GRID2: variants seen among roughly 807,000 people sequenced by gnomAD.
GRID2 encodes glutamate receptor ionotropic, delta-2.
A neutral mutation model predicts 114.8 loss-of-function variants in GRID2; 33 were observed. That is an observed-to-expected ratio of 0.29 (90% confidence interval 0.22 to 0.38). The LOEUF (loss-of-function observed/expected upper bound fraction) is 0.38. GRID2 is among the 10% of genes least tolerant of loss of function. The pLI is 1.00. For synonymous variants in GRID2, 505 were observed against 449.9 expected (o/e 1.12, Z -1.55); for missense variants, 1,184 against 1,257.7 (o/e 0.94, Z 0.89).
At chr4:92,743,550 T>C (rs1017608408) in intron 2 of GRID2, among the ~76,000 whole-genome samples, 1 of 152,186 alleles carries the variant, frequency 6.6e-6, no homozygotes, top group Admixed American at 6.5e-5. Flanking sequence ...TTTATTTATA[T>C]TTATTTTTAT....
chr4:92,634,871 G>A (rs991496525), intron 2 of GRID2, among the ~76,000 whole-genome samples: 4 of 133,150 alleles, frequency 3.0e-5, no homozygotes, highest in African/African-American at 8.4e-5. Context: ...GAGAGAGAGA[G>A]AGAGAGAAAG....
At chr4:93,550,216 GGACTATA>G (rs1733631509) in intron 13 of GRID2, among the ~76,000 whole-genome samples, 1 of 151,990 alleles carries the variant, frequency 6.6e-6, no homozygotes, top group Non-Finnish European at 1.5e-5. Context: ...CAAGTAGCTG[GGACTATA>G]GATGCCAGCC....
chr4:93,006,063 G>A (rs190281843), intron 2 of GRID2, among the ~76,000 whole-genome samples: 27 of 152,004 alleles, frequency 1.8e-4, no homozygotes, highest in Middle Eastern at 3.4e-3. Flanking sequence ...TTAAAGTAGC[G>A]TCTTAAAATA....
chr4:92,592,637 A>G (rs1285810881), intron 2 of GRID2, among the ~76,000 whole-genome samples: 1 of 152,114 alleles, frequency 6.6e-6, no homozygotes, highest in Non-Finnish European at 1.5e-5. Context: ...GAAAAATGAA[A>G]GAGCTGGACA....
intron 2 of GRID2, among the ~76,000 whole-genome samples, chr4:92,976,927 A>G (rs566968626): frequency 6.6e-6 from 1 of 152,306 alleles, no homozygotes; most frequent in South Asian, 2.1e-4. Flanking sequence ...CACTTACTTT[A>G]CTCATGAAGA....
chr4:93,308,757 A>T (rs1755704096), intron 8 of GRID2, among the ~76,000 whole-genome samples: 1 of 152,022 alleles, frequency 6.6e-6, no homozygotes, highest in African/African-American at 2.4e-5. Context: ...ATGCAATAAG[A>T]CTTTTTCCAA....
At chr4:92,532,473 G>A (rs148288050) in intron 1 of GRID2, among the ~76,000 whole-genome samples, 32 of 152,166 alleles carry the variant, frequency 2.1e-4, no homozygotes, top group African/African-American at 6.3e-4. Context: ...TAAATGTACC[G>A]GATATGTTCC....
At chr4:93,011,316 C>CA (rs1722114725) in intron 2 of GRID2, among the ~76,000 whole-genome samples, 1 of 151,412 alleles carries the variant, frequency 6.6e-6, no homozygotes, top group Admixed American at 6.6e-5. Context: ...CAGAAGCTCT[C>CA]AGAAACTCAT....
intron 2 of GRID2, among the ~76,000 whole-genome samples, chr4:92,719,314 T>A (rs1012854743): frequency 1.6e-4 from 25 of 152,144 alleles, no homozygotes; most frequent in Non-Finnish European, 4.4e-5. Flanking sequence ...CAGGACTACT[T>A]ATGAAGTTAT....
chr4:93,712,886 T>C (rs1244626800), intron 14 of GRID2, among the ~76,000 whole-genome samples: 3 of 152,156 alleles, frequency 2.0e-5, no homozygotes, highest in Non-Finnish European at 4.4e-5. Context: ...AGCTGGCTTC[T>C]TCCATCCAAT....
intron 7 of GRID2, among the ~76,000 whole-genome samples, chr4:93,235,057 T>C (rs545961251): frequency 6.6e-6 from 1 of 152,096 alleles, no homozygotes; most frequent in Non-Finnish European, 1.5e-5. Flanking sequence ...TTTTTTTTAC[T>C]TTTTCCCCAA....
intron 2 of GRID2, among the ~76,000 whole-genome samples, chr4:92,829,218 T>C (rs542429730): frequency 1.3e-5 from 2 of 152,266 alleles, no homozygotes; most frequent in East Asian, 3.9e-4. Context: ...GATCCAGTTT[T>C]CTGTTTTCTG....
chr4:93,325,437 C>A (rs1211759167), intron 8 of GRID2, among the ~76,000 whole-genome samples: 1 of 152,126 alleles, frequency 6.6e-6, no homozygotes, highest in South Asian at 2.1e-4. Context: ...CTATGATAGA[C>A]TATTCTTTCT....
intron 1 of GRID2, among the ~76,000 whole-genome samples, chr4:92,396,302 A>G (rs1392932097): frequency 6.6e-6 from 1 of 151,978 alleles, no homozygotes; most frequent in African/African-American, 2.4e-5. Flanking sequence ...CTTGTAGTGC[A>G]TTATATTTTA....
intron 2 of GRID2, among the ~76,000 whole-genome samples, chr4:92,785,213 G>C (rs1380837291): frequency 6.6e-6 from 1 of 150,620 alleles, no homozygotes; most frequent in African/African-American, 2.4e-5. Flanking sequence ...TAAATTTGTA[G>C]ACAAACGGAT....
chr4:92,988,825 A>G (rs1754666696), intron 2 of GRID2, among the ~76,000 whole-genome samples: 1 of 152,202 alleles, frequency 6.6e-6, no homozygotes, highest in Non-Finnish European at 1.5e-5. Flanking sequence ...GTGGTGTGTT[A>G]TTCACTCTAT....
intron 2 of GRID2, among the ~76,000 whole-genome samples, chr4:92,858,632 C>T (rs140106450): frequency 0.01 from 1,540 of 152,220 alleles, 8 homozygotes; most frequent in Non-Finnish European, 0.015. Flanking sequence ...ATCTCACCTC[C>T]CTGCAAGCTC....
At chr4:92,956,675 A>T (rs1406084967) in intron 2 of GRID2, among the ~76,000 whole-genome samples, 1 of 152,180 alleles carries the variant, frequency 6.6e-6, no homozygotes, top group Admixed American at 6.5e-5. Flanking sequence ...ATAAATAGCA[A>T]TGAGCAGTAT....
At chr4:93,390,209 G>A (rs749443568) in intron 8 of GRID2, among the ~76,000 whole-genome samples, 2 of 152,060 alleles carry the variant, frequency 1.3e-5, no homozygotes, top group African/African-American at 4.8e-5. Context: ...ATTGTCCTGG[G>A]GTTTGGATGG....
Sources: allele counts gnomAD v4.1 joint callset (sites outside exome capture counted in the v4.1 genomes callset), GRCh38; gene constraint gnomAD v4.1.1; transcripts MANE v1.5; gene names NCBI Gene and HGNC (gene_info 2026-07-23, HGNC 2026-07-21).